Variants in KRI1 observed in about 807,000 individuals in gnomAD.
The protein encoded by KRI1 is protein KRI1 homolog.
KRI1 carries 83 observed loss-of-function variants against 97.0 expected under a neutral mutation model. That is an observed-to-expected ratio of 0.86 (90% CI 0.72 to 1.03). The LOEUF (loss-of-function observed/expected upper bound fraction) is 1.03, where lower values mean the gene tolerates loss of function less well. Ranked by LOEUF, KRI1 falls within the 50% of genes least tolerant of loss-of-function variation. The probability of loss-of-function intolerance (pLI) is 0.00; values close to 1 mark genes in which losing one functional copy is unlikely to be tolerated. For synonymous variants in KRI1, 371 were observed against 363.5 expected (o/e 1.02, Z -0.23); for missense variants, 916 against 928.4 (o/e 0.99, Z 0.17).
At chr19:10,562,015 G>GTTTTTTT (rs749837085) in intron 4 of KRI1, among the ~76,000 whole-genome samples, 170 bp from the exon 5 acceptor site, 18 of 131,742 alleles carry the variant, frequency 1.4e-4, no homozygotes, top group African/African-American at 5.1e-4. Context: ...AGTTTCCAGC[G>GTTTTTTT]TTTTTTTTTT....
At position 10,561,826 on chromosome 19, in the gene KRI1, T is replaced by G. The variant is rs186585357; in HGVS notation, c.403A>C (p.Asn135His). 2 of 1,613,872 alleles carry G rather than the reference T, an allele frequency of 1.2e-6. No homozygotes were observed. The highest frequency in any genetic ancestry group is 3.3e-5 in the Admixed American group (2 of 59,984). Residue 135 changes from asparagine to histidine, a missense_variant, in exon 5 of 19, where the codon AAC becomes CAC. This residue lies in a region of KRI1 where 71 missense variants were observed against 108.1 expected (regional missense o/e 0.66). Coordinates refer to ENST00000312962, the MANE Select transcript of KRI1 (RefSeq NM_023008.5). ...EKAGKYVDEE[N>H]SDGETSNHRL... is the part of the protein sequence containing the mutation. ...TGATTGGAAGTCTCCCCGTCTGAGT[T>G]CTCCTCATCAACATATTTGCTGTAA...
rs1216489952 is a variant in KRI1, at chr19:10,565,720, G to T, written c.165C>A (p.Arg55=). 1 of 1,564,852 alleles carries T rather than the reference G, an allele frequency of 6.4e-7. No homozygotes were observed. The highest frequency in any genetic ancestry group is 8.6e-7 in the Non-Finnish European group (1 of 1,156,344). The part of the protein sequence containing the change: ...SSSESDSSDE[R]VEFDPQQERD... ...AGGACGGGGCGGGGACGCGCACCAC[G>T]CGCTCGTCGCTTGAGTCCGACTCGG... Residue 55 remains arginine (R), a synonymous_variant, in exon 2 of 19, where the codon CGC becomes CGA. Transcript: ENST00000312962.
chr19:10,565,980 G>T lies in KRI1; in HGVS notation c.20C>A (p.Ser7Ter), dbSNP rs1017084050. ...CGCCGCGTTCACCCGCAGCTGCGAC[G>T]ACCCGCGCGGTTCCGGCATGGCGGT... MPEPRG[S>*]SQLRVNAAFA... Residue 7 changes from serine (S) to a stop codon, truncating the protein, a stop_gained, in exon 1 of 19, where the codon TCG (serine) becomes TAG (stop). Coordinates refer to ENST00000312962, the MANE Select transcript of KRI1 (RefSeq NM_023008.5). LOFTEE classifies it high-confidence loss of function. 3.3e-6 allele frequency: 5 copies of T among 1,523,738 alleles called. No individual in the cohort carries two copies. Among genetic ancestry groups the T allele is most frequent in the African/African-American group, 2.8e-5 (2 of 70,306 alleles). The allele number at this position is 1,523,738 out of a possible 1,614,324, so 94.4% of individuals were successfully genotyped here.
intron 4 of KRI1, among the ~76,000 whole-genome samples, chr19:10,562,278 G>A (rs574922918): frequency 1.6e-4 from 24 of 151,984 alleles, no homozygotes; most frequent in African/African-American, 5.8e-4. Flanking sequence ...TCAAACTCTT[G>A]ACCTCAGGTG....
chr19:10,561,090 A>T lies in KRI1; in HGVS notation c.586-10T>A. On this transcript the variant is annotated splice_polypyrimidine_tract_variant and intron_variant, in intron 7 of 18. Transcript: ENST00000312962. ...CGGCCTCCTCCTGGGCCTGGGGGAA[A>T]GCTAGCACTGAGCATCCGCAGATGC... 6.2e-7 allele frequency: 1 copy of T among 1,613,950 alleles called. No homozygotes were observed. The highest frequency in any genetic ancestry group is 8.5e-7 in the Non-Finnish European group (1 of 1,179,884).
intron 5 of KRI1, 24 bp downstream of exon 5, chr19:10,561,767 C>G (rs762438861): frequency 1.2e-6 from 2 of 1,613,998 alleles, no homozygotes; most frequent in Non-Finnish European, 1.7e-6. Context: ...CTCAGCCCCC[C>G]GACCCAGCCT....
At chr19:10,558,688 A>G (rs1388193702) in intron 12 of KRI1, among the ~76,000 whole-genome samples, 5 of 151,066 alleles carry the variant, frequency 3.3e-5, no homozygotes, top group African/African-American at 1.2e-4. Flanking sequence ...GATTACAGGC[A>G]TGTGCCACCA....
Position 10,565,806 on chromosome 19 carries a change from G to A in KRI1, c.95-16C>T. 6.6e-7 allele frequency: 1 copy of A among 1,511,288 alleles called. No homozygotes were observed. The highest frequency in any genetic ancestry group is 8.8e-7 in the Non-Finnish European group (1 of 1,129,952). The allele number at this position is 1,511,288 out of a possible 1,614,324, so 93.6% of individuals were successfully genotyped here. On this transcript the variant is annotated splice_polypyrimidine_tract_variant and intron_variant, in intron 1 of 18. Coordinates refer to ENST00000312962, the MANE Select transcript of KRI1 (RefSeq NM_023008.5). ...CGATCCTTCACTGCGGGACACAGAC[G>A]GGATGCCCCCCCCCAGGTCAGCCGG...
chr19:10,564,492 A>C (rs975697979), intron 3 of KRI1, among the ~76,000 whole-genome samples: 1 of 151,054 alleles, frequency 6.6e-6, no homozygotes, highest in African/African-American at 2.4e-5. Flanking sequence ...GGGTCTTGCT[A>C]TGTTGGCCAA....
intron 3 of KRI1, among the ~76,000 whole-genome samples, chr19:10,564,611 A>C (rs1916804155): frequency 6.6e-6 from 1 of 152,210 alleles, no homozygotes; most frequent in Admixed American, 6.6e-5. Flanking sequence ...GGAATCATTC[A>C]GTCAGCAATT....
rs751564328 is a variant in KRI1 at position 10,559,929 on chromosome 19, C to T, written c.808G>A (p.Gly270Ser). ...EEMEEEEGVH[G>S]PPVQLAVDDS... is the part of the protein sequence containing the mutation. Reference sequence around the variant, plus strand: ...TCCACAGCCAGCTGGACTGGGGGACCGTGGACCCTGAGGGGCAAGATGTGG... The same window carrying T: ...TCCACAGCCAGCTGGACTGGGGGACTGTGGACCCTGAGGGGCAAGATGTGG... Residue 270 changes from glycine to serine, a missense_variant, in exon 10 of 19, where the codon GGT becomes AGT. Coordinates refer to ENST00000312962, the MANE Select transcript of KRI1 (RefSeq NM_023008.5). 8.7e-6 allele frequency: 14 copies of T among 1,611,104 alleles called. No individual in the cohort carries two copies. The highest frequency in any genetic ancestry group is 4.5e-5 in the East Asian group (2 of 44,868).
At position 10,558,005 on chromosome 19, in the gene KRI1, C is replaced by T. The variant is rs1916568662; in HGVS notation, c.1326G>A (p.Gln442=). 1 of 1,613,994 alleles carries T rather than the reference C, an allele frequency of 6.2e-7. No homozygotes were observed. The highest frequency in any genetic ancestry group is 8.5e-7 in the Non-Finnish European group (1 of 1,180,020). ...TGGGGTCCTCACAGTGCAGCTCCTGCTGGCTCCAGTCTCCCTCCTGCTCAG... is the reference window on the plus strand; with the variant it reads ...TGGGGTCCTCACAGTGCAGCTCCTGTTGGCTCCAGTCTCCCTCCTGCTCAG... ...DGPEQEGDWS[Q]QELHCEDPNF... The change falls in exon 14 of 19, where the codon CAG becomes CAA. Residue 442 remains glutamine, a synonymous_variant. Transcript: ENST00000312962.
intron 18 of KRI1, 104 bp downstream of exon 18, chr19:10,554,983 G>A: frequency 2.3e-6 from 2 of 880,044 alleles, no homozygotes; most frequent in South Asian, 3.2e-5. Context: ...AGAGCGGGGG[G>A]CGCTGCATTC....
rs1303506729 is a variant in KRI1 at position 10,553,140 on chromosome 19, A to G, written c.*811T>C. 32 of 1,465,662 alleles carry G rather than the reference A, an allele frequency of 2.2e-5. No individual in the cohort carries two copies. Among genetic ancestry groups the G allele is most frequent in the Non-Finnish European group, 2.1e-5 (23 of 1,103,798 alleles). The allele number at this position is 1,465,662 out of a possible 1,614,324, so 90.8% of individuals were successfully genotyped here. ...ATGTCATGTCGGGTGTGGGATCTTGAGCTCTGGCAGTGATGATGGTACTTC... is the reference window on the plus strand; with the variant it reads ...ATGTCATGTCGGGTGTGGGATCTTGGGCTCTGGCAGTGATGATGGTACTTC... On this transcript the variant is annotated 3_prime_UTR_variant, in exon 19 of 19. Coordinates refer to ENST00000312962, the MANE Select transcript of KRI1 (RefSeq NM_023008.5).
At position 10,562,397 on chromosome 19, in the gene KRI1, G is replaced by A. The variant is rs147628719; in HGVS notation, c.383+332C>T. ...CTTATTCTGTTGCCCAGGCTGGAGT[G>A]CAGTGGCCTGATCATAGCTCACTGC... On this transcript the variant is annotated intron_variant, in intron 4 of 18. Transcript: ENST00000312962. Among the ~76,000 whole-genome samples, 1,345 of 151,330 alleles carry A rather than the reference G, an allele frequency of 8.9e-3. 20 individuals are homozygous for A. The highest frequency in any genetic ancestry group is 0.031 in the African/African-American group (1,284 of 41,174).
rs907669958 is a variant in KRI1, at chr19:10,553,355, CCT to C, written c.*594_*595del. On this transcript the variant is annotated 3_prime_UTR_variant, in exon 19 of 19. Transcript: ENST00000312962. ...GTTTGCACTGGACGCCCGGGCCCTC[CCT>C]GTCCCAAAGCCCCCTTGGGGGAACT... 8.9e-6 allele frequency: 3 copies of C among 337,580 alleles called. No individual in the cohort carries two copies. Among genetic ancestry groups the C allele is most frequent in the Non-Finnish European group, 1.6e-5 (3 of 182,748 alleles). 20.9% of individuals were successfully genotyped at this position (337,580 alleles called of 1,614,324 possible).
At position 10,557,688 on chromosome 19, in the gene KRI1, C is replaced by T. The variant is rs148099584; in HGVS notation, c.1487-6G>A. The T allele has an allele frequency of 1.5e-4, 250 of 1,614,152 alleles. No homozygotes were observed. The African/African-American group carries it at 1.8e-3, about 12-fold the overall frequency. On this transcript the variant is annotated splice_region_variant and splice_polypyrimidine_tract_variant and intron_variant, in intron 15 of 18. Transcript: ENST00000312962. Reference sequence around the variant, plus strand: ...CTCCTCGAACGTCTTGTCCCCTGCTCGAGACAGAGCCAGGCTGCTGGGCTA... The same window carrying T: ...CTCCTCGAACGTCTTGTCCCCTGCTTGAGACAGAGCCAGGCTGCTGGGCTA...
chr19:10,561,127 C>T, intron 7 of KRI1, 42 bp downstream of exon 7: 3 of 1,612,618 alleles, frequency 1.9e-6, no homozygotes, highest in Non-Finnish European at 2.5e-6. Flanking sequence ...CAGCCACCCG[C>T]CACCCTGTCC....
At position 10,559,679 on chromosome 19, in the gene KRI1, G is replaced by C; in HGVS notation, c.957C>G (p.Ser319=). 6.2e-7 allele frequency: 1 copy of C among 1,614,034 alleles called. No homozygotes were observed. Among genetic ancestry groups the C allele is most frequent in the East Asian group, 2.2e-5 (1 of 44,864 alleles). The part of the protein sequence containing the change: ...SVKTYPRSIA[S]SVRRKDERRK... ...TGCGCTCATCCTTACGGCGCACGGA[G>C]GACGCGATGCTGCGTGGGTAGGTCT... The change falls in exon 11 of 19, where the codon TCC becomes TCG. Residue 319 remains serine, a synonymous_variant. Transcript: ENST00000312962.
Sources: allele counts gnomAD v4.1 joint callset (sites outside exome capture counted in the v4.1 genomes callset), GRCh38; gene constraint gnomAD v4.1.1; regional missense constraint gnomAD v4.1.1; transcripts MANE v1.5; gene names NCBI Gene and HGNC (gene_info 2026-07-23, HGNC 2026-07-21).